WRN: variants seen among roughly 807,000 people sequenced by gnomAD.
WRN encodes the protein WRN RecQ like helicase.
WRN carries 149 observed loss-of-function variants against 180.7 expected under a neutral mutation model. The observed-to-expected ratio is 0.82, with a 90% confidence interval of 0.72 to 0.94. WRN has a LOEUF of 0.94. Ranked by LOEUF, WRN falls within the 40% of genes least tolerant of loss-of-function variation. WRN has a pLI of 0.00. For synonymous variants in WRN, 548 were observed against 568.9 expected (o/e 0.96, Z 0.52); for missense variants, 1,661 against 1,700.1 (o/e 0.98, Z 0.40).
intron 16 of WRN, 141 bp from the exon 17 acceptor site, chr8:31,096,627 G>A (rs1342750998): frequency 1.2e-5 from 8 of 686,956 alleles, no homozygotes; most frequent in East Asian, 8.2e-5. Context: ...TTAGATTTTC[G>A]TGACATAAAG....
intron 24 of WRN, among the ~76,000 whole-genome samples, chr8:31,135,038 A>G (rs999794930): frequency 1.3e-5 from 2 of 151,126 alleles, no homozygotes; most frequent in African/African-American, 4.9e-5. Flanking sequence ...AAAAAAAGTT[A>G]AAGTGTTTTT....
intron 23 of WRN, among the ~76,000 whole-genome samples, chr8:31,125,537 G>GAGATATATAT (rs1365119717): frequency 3.1e-5 from 2 of 63,766 alleles, no homozygotes; most frequent in Non-Finnish European, 6.1e-5. Flanking sequence ...ATATTATGGA[G>GAGATATATAT]ATATATATAT....
chr8:31,055,341 G>A (rs1812227634), intron 1 of WRN, among the ~76,000 whole-genome samples: 1 of 152,150 alleles, frequency 6.6e-6, no homozygotes, highest in African/African-American at 2.4e-5. Context: ...CACAATGGTT[G>A]AACTAGTTTA....
intron 21 of WRN, 136 bp downstream of exon 21, chr8:31,120,560 A>G: frequency 1.1e-6 from 1 of 916,416 alleles, no homozygotes. Context: ...AAAAAAAGAA[A>G]AATAAAACCT....
intron 30 of WRN, among the ~76,000 whole-genome samples, chr8:31,149,343 G>A (rs1025471495): frequency 3.3e-5 from 5 of 150,846 alleles, no homozygotes; most frequent in African/African-American, 1.2e-4. Context: ...CTTGCAGTGA[G>A]CGGAGATCGC....
rs143771120 is a variant in WRN, at chr8:31,173,077, C to T, written c.4274C>T (p.Thr1425Met). 49 of 1,613,838 alleles carry T rather than the reference C, an allele frequency of 3.0e-5. No homozygotes were observed. Among genetic ancestry groups the T allele is most frequent in the Middle Eastern group, 1.7e-4 (1 of 6,056 alleles). ...SDTSKKLMDK[T>M]KRGGLFS is the part of the protein sequence containing the mutation. ...ACCAGCAAGAAATTAATGGACAAAA[C>T]GAAAAGGGGAGGTCTTTTTAGTTAA... is the stretch of plus-strand genomic sequence containing the variant. The change falls in exon 35 of 35, where the codon ACG becomes ATG. Residue 1425 changes from threonine to methionine, a missense_variant. By Grantham distance (81) the Thr-to-Met change is moderately conservative. Transcript: ENST00000298139.
chr8:31,111,317 A>C (rs559414947), intron 18 of WRN, among the ~76,000 whole-genome samples: 2 of 152,366 alleles, frequency 1.3e-5, no homozygotes, highest in African/African-American at 4.8e-5. Context: ...TAAATGGAGA[A>C]GTAGATAGCT....
intron 16 of WRN, among the ~76,000 whole-genome samples, chr8:31,092,990 G>T (rs1054979295): frequency 2.6e-5 from 4 of 152,088 alleles, no homozygotes; most frequent in Non-Finnish European, 4.4e-5. Flanking sequence ...TGTCACCCAG[G>T]CTAGAGTACA....
intron 24 of WRN, among the ~76,000 whole-genome samples, chr8:31,137,467 C>T (rs1403961409): frequency 3.9e-5 from 6 of 151,900 alleles, no homozygotes; most frequent in Non-Finnish European, 8.8e-5. Context: ...ATGTAGAGTA[C>T]CATTAACAAG....
intron 1 of WRN, among the ~76,000 whole-genome samples, chr8:31,045,726 T>G (rs923059281): frequency 6.6e-6 from 1 of 152,182 alleles, no homozygotes. Context: ...TACTGTAGTT[T>G]TAAAAGTTTC....
rs374939172 is a variant in WRN, at chr8:31,104,444, C to T, written c.2088+3489C>T. 9.9e-5 allele frequency among the ~76,000 whole-genome samples: 15 copies of T among 152,232 alleles called. No homozygotes were observed. In the East Asian group the frequency reaches 2.3e-3, roughly 24 times the overall value. On this transcript the variant is annotated intron_variant, in intron 18 of 34. Transcript: ENST00000298139. ...GTAGATATGAGTCCTTGGTCAGATA[C>T]GTGGTTTCAAATATTTCTTTCACTT...
intron 3 of WRN, among the ~76,000 whole-genome samples, chr8:31,063,039 G>A (rs1812552746): frequency 1.3e-5 from 2 of 151,960 alleles, no homozygotes; most frequent in South Asian, 4.2e-4. Flanking sequence ...TCACTATGTT[G>A]CCCAGGCTAG....
chr8:31,133,483 C>T (rs901560832), intron 24 of WRN, among the ~76,000 whole-genome samples: 1 of 151,692 alleles, frequency 6.6e-6, no homozygotes, highest in Non-Finnish European at 1.5e-5. Context: ...TGAGATTGTG[C>T]CACTGCACTC....
intron 16 of WRN, 52 bp downstream of exon 16, chr8:31,091,950 T>G: frequency 1.3e-6 from 2 of 1,537,580 alleles, no homozygotes; most frequent in South Asian, 1.1e-5. Flanking sequence ...GGGGTGCATA[T>G]GCAAGTTTGT....
intron 28 of WRN, among the ~76,000 whole-genome samples, chr8:31,146,345 T>C (rs1409288165): frequency 6.6e-6 from 1 of 151,232 alleles, no homozygotes; most frequent in African/African-American, 2.4e-5. Context: ...TACACAAATA[T>C]TATATACACA....
chr8:31,170,514 A>G (rs1804062821), intron 34 of WRN, among the ~76,000 whole-genome samples: 1 of 152,234 alleles, frequency 6.6e-6, no homozygotes, highest in African/African-American at 2.4e-5. Context: ...GTAACTAAAT[A>G]TATGGATTGA....
intron 1 of WRN, among the ~76,000 whole-genome samples, chr8:31,040,291 T>G (rs1485808209): frequency 6.6e-6 from 1 of 152,124 alleles, no homozygotes; most frequent in African/African-American, 2.4e-5. Context: ...CTATCAAAGT[T>G]TGAAGTTAAG....
At chr8:31,154,457 A>G (rs1358207575) in intron 31 of WRN, among the ~76,000 whole-genome samples, 167 bp from the exon 32 acceptor site, 7 of 152,312 alleles carry the variant, frequency 4.6e-5, no homozygotes, top group Admixed American at 2.0e-4. Flanking sequence ...TTTAAAATCA[A>G]TATGTTAAAA....
At position 31,116,410 on chromosome 8, in the gene WRN, CACA is replaced by C. The variant is rs1266745530; in HGVS notation, c.2335_2337del (p.Gln779del). ...ATCTACTGTCCTTCTAGAAAAATGA[CACA>C]ACAAGTTACAGGTGAACTTAGGAAA... is the stretch of plus-strand genomic sequence containing the variant. On this transcript the variant is annotated inframe_deletion, in exon 20 of 35. Transcript: ENST00000298139. 3 of 1,613,994 alleles carry C rather than the reference CACA, an allele frequency of 1.9e-6. No homozygotes were observed. The highest frequency in any genetic ancestry group is 2.5e-6 in the Non-Finnish European group (3 of 1,179,946).
Sources: gnomAD v4.1 joint callset for allele counts (sites outside exome capture counted in the v4.1 genomes callset) on GRCh38, gnomAD v4.1.1 for gene constraint, MANE v1.5 for transcripts, NCBI Gene and HGNC (gene_info 2026-07-23, HGNC 2026-07-21) for gene names.